Variants in TAFA1 observed in about 807,000 individuals in gnomAD.
TAFA1 encodes chemokine-like protein TAFA-1.
Under a neutral mutation model 18.5 loss-of-function variants are expected in TAFA1, and 4 were observed. The observed-to-expected ratio is 0.22, with a 90% CI of 0.11 to 0.49. The LOEUF (loss-of-function observed/expected upper bound fraction) is 0.49, where lower values mean the gene tolerates loss of function less well. Among genes scored for constraint, TAFA1 ranks in the 20% least tolerant of loss-of-function variants. The pLI is 0.98. For missense variants in TAFA1, 147 were observed against 169.0 expected (o/e 0.87, Z 0.72); for synonymous variants, 56 against 55.2 (o/e 1.01, Z -0.06).
At chr3:68,397,899 C>T (rs1054098447) in intron 2 of TAFA1, among the ~76,000 whole-genome samples, 1 of 152,142 alleles carries the variant, frequency 6.6e-6, no homozygotes. Context: ...TCAATTTTGT[C>T]TTTTGTTACA....
chr3:68,155,100 C>T (rs554299885), intron 2 of TAFA1, among the ~76,000 whole-genome samples: 1 of 152,102 alleles, frequency 6.6e-6, no homozygotes, highest in East Asian at 1.9e-4. Flanking sequence ...AACATTTCTC[C>T]CATTTTAAGA....
chr3:68,463,970 C>G (rs1234972425), intron 3 of TAFA1, among the ~76,000 whole-genome samples: 3 of 152,134 alleles, frequency 2.0e-5, no homozygotes, highest in South Asian at 4.1e-4. Context: ...GAATGGATAA[C>G]TTTTTACATT....
chr3:68,481,060 C>T (rs554258913), intron 3 of TAFA1, among the ~76,000 whole-genome samples: 2 of 152,286 alleles, frequency 1.3e-5, no homozygotes, highest in Non-Finnish European at 2.9e-5. Flanking sequence ...AACTGTGAAT[C>T]CATTAAACCT....
chr3:68,138,004 C>A (rs903394639), intron 2 of TAFA1, among the ~76,000 whole-genome samples: 14 of 150,442 alleles, frequency 9.3e-5, no homozygotes, highest in African/African-American at 3.4e-4. Flanking sequence ...AAAGTGGATT[C>A]AATGAGTAGA....
At chr3:68,333,934 G>A (rs527344803) in intron 2 of TAFA1, among the ~76,000 whole-genome samples, 28 of 152,268 alleles carry the variant, frequency 1.8e-4, no homozygotes, top group African/African-American at 4.6e-4. Flanking sequence ...TTTCACTTAC[G>A]TGTGGAATCT....
chr3:68,135,999 A>G (rs1439882032), intron 2 of TAFA1, among the ~76,000 whole-genome samples: 1 of 152,206 alleles, frequency 6.6e-6, no homozygotes, highest in African/African-American at 2.4e-5. Context: ...GCAGAGAAAA[A>G]CAGATTGAAT....
intron 2 of TAFA1, among the ~76,000 whole-genome samples, chr3:68,236,526 C>A (rs1399991190): frequency 1.3e-5 from 2 of 152,148 alleles, no homozygotes; most frequent in African/African-American, 4.8e-5. Flanking sequence ...AAAGGAGGTA[C>A]TAATGAACTG....
At chr3:68,359,542 A>G (rs542605386) in intron 2 of TAFA1, among the ~76,000 whole-genome samples, 2 of 152,016 alleles carry the variant, frequency 1.3e-5, no homozygotes, top group Non-Finnish European at 2.9e-5. Context: ...CAAGGAAGGG[A>G]GGCCATTCAC....
intron 2 of TAFA1, among the ~76,000 whole-genome samples, chr3:68,382,961 G>A (rs893309242): frequency 6.6e-6 from 1 of 151,954 alleles, no homozygotes; most frequent in Non-Finnish European, 1.5e-5. Context: ...TTATGTTGTG[G>A]CTGTTGTGAA....
intron 2 of TAFA1, among the ~76,000 whole-genome samples, chr3:68,382,337 A>T (rs1181248043): frequency 2.0e-5 from 3 of 152,108 alleles, no homozygotes; most frequent in Admixed American, 6.6e-5. Context: ...TGATTGGAAT[A>T]GTTTCAGAAG....
intron 2 of TAFA1, among the ~76,000 whole-genome samples, chr3:68,330,188 G>C (rs368758936): frequency 6.6e-6 from 1 of 152,192 alleles, no homozygotes; most frequent in African/African-American, 2.4e-5. Context: ...CGTCGTCATA[G>C]TTCTAGATGC....
At chr3:68,296,203 C>T (rs1575755665) in intron 2 of TAFA1, among the ~76,000 whole-genome samples, 2 of 152,294 alleles carry the variant, frequency 1.3e-5, no homozygotes. Context: ...CGCCTACCCT[C>T]GTGACTTTTT....
intron 4 of TAFA1, among the ~76,000 whole-genome samples, chr3:68,542,063 T>A (rs2073386541): frequency 6.6e-6 from 1 of 152,132 alleles, no homozygotes; most frequent in African/African-American, 2.4e-5. Context: ...GTGATATTAT[T>A]ACCCCAGAAG....
chr3:68,369,681 A>G (rs753312618), intron 2 of TAFA1, among the ~76,000 whole-genome samples: 2 of 152,214 alleles, frequency 1.3e-5, no homozygotes, highest in African/African-American at 2.4e-5. Context: ...GGGATTTGCC[A>G]TCACTCACTC....
intron 4 of TAFA1, among the ~76,000 whole-genome samples, chr3:68,540,593 T>C (rs1302119475): frequency 6.6e-6 from 1 of 152,252 alleles, no homozygotes; most frequent in Non-Finnish European, 1.5e-5. Flanking sequence ...ACATTGCTGA[T>C]ATATTTCCTG....
At chr3:68,508,052 G>A (rs144332951) in intron 3 of TAFA1, among the ~76,000 whole-genome samples, 76 of 152,228 alleles carry the variant, frequency 5.0e-4, no homozygotes, top group Non-Finnish European at 6.5e-4. Context: ...AGAAGTCCAA[G>A]TTAAGATTCC....
intron 2 of TAFA1, among the ~76,000 whole-genome samples, chr3:68,202,172 G>C (rs941445410): frequency 6.6e-6 from 1 of 151,672 alleles, no homozygotes; most frequent in African/African-American, 2.4e-5. Flanking sequence ...GACCACAGCA[G>C]TCACACCCAC....
chr3:68,171,093 C>A (rs2106959116), intron 2 of TAFA1, among the ~76,000 whole-genome samples: 1 of 152,266 alleles, frequency 6.6e-6, no homozygotes, highest in Non-Finnish European at 1.5e-5. Flanking sequence ...AGGAGGAATT[C>A]AGGTTGCTAG....
chr3:68,001,157 G>A (rs1423650480), upstream of TAFA1, among the ~76,000 whole-genome samples: 1 of 152,110 alleles, frequency 6.6e-6, no homozygotes, highest in Admixed American at 6.5e-5. Context: ...TGAAGCTGGT[G>A]GGATTTCAAC....
Sources: gnomAD v4.1 joint callset for allele counts (sites outside exome capture counted in the v4.1 genomes callset) on GRCh38, gnomAD v4.1.1 for gene constraint, MANE v1.5 for transcripts, NCBI Gene and HGNC (gene_info 2026-07-23, HGNC 2026-07-21) for gene names.